TLDC2: variants seen among roughly 807,000 people sequenced by gnomAD.
TLDC2 encodes the protein TLD domain-containing protein 2.
Under a neutral mutation model 27.9 loss-of-function variants are expected in TLDC2, and 23 were observed. That is an observed-to-expected ratio of 0.82 (90% confidence interval 0.59 to 1.17). The LOEUF is 1.17. TLDC2 is among the 50% of genes most tolerant of loss of function. The pLI, the probability that TLDC2 is intolerant of heterozygous loss-of-function variation, is 0.00. For synonymous variants in TLDC2, 124 were observed against 107.4 expected (o/e 1.16, Z -0.96); for missense variants, 286 against 273.4 (o/e 1.05, Z -0.32).
At chr20:36,890,933 G>A (rs1990060341) in intron 6 of TLDC2, 2 of 152,188 alleles carry the variant, frequency 1.3e-5, no homozygotes, top group Admixed American at 1.3e-4. Flanking sequence ...TAGGACTACA[G>A]AATCTCAGAG....
chr20:36,887,613 T>C, intron 5 of TLDC2, 85 bp downstream of exon 5: 1 of 1,317,624 alleles, frequency 7.6e-7, no homozygotes, highest in Non-Finnish European at 1.1e-6. Context: ...TAGGCTGCCC[T>C]TGATGCAATG....
chr20:36,893,069 A>G lies in TLDC2; in HGVS notation c.*225A>G. 1 of 1,612,730 alleles carries G rather than the reference A, an allele frequency of 6.2e-7. No individual in the cohort carries two copies. The highest frequency in any genetic ancestry group is 8.5e-7 in the Non-Finnish European group (1 of 1,180,000). Reference sequence around the variant, plus strand: ...AGTGGGGCTATAACATCGCCATCCTATTAGGAAGAGAGAGAAAAACAGGCA... The same window carrying G: ...AGTGGGGCTATAACATCGCCATCCTGTTAGGAAGAGAGAGAAAAACAGGCA... On this transcript the variant is annotated 3_prime_UTR_variant, in exon 7 of 7. Transcript: ENST00000217320.
chr20:36,887,429 T>G, intron 4 of TLDC2, 26 bp from the exon 5 acceptor site: 4 of 1,603,030 alleles, frequency 2.5e-6, no homozygotes, highest in Non-Finnish European at 3.4e-6. Context: ...CTTAGTAACC[T>G]GAGCCTTTCC....
chr20:36,887,595 T>C, intron 5 of TLDC2, 67 bp downstream of exon 5: 1 of 1,477,098 alleles, frequency 6.8e-7, no homozygotes, highest in Non-Finnish European at 9.5e-7. Context: ...TCTGCCGAAC[T>C]GCTGGGCTAG....
At position 36,877,325 on chromosome 20, in the gene TLDC2, G is replaced by A. The variant is rs1989692613; in HGVS notation, c.34-574G>A. On this transcript the variant is annotated intron_variant, in intron 1 of 6. Transcript: ENST00000217320. ...TAACCTGGGAGCCAGAGGTCGCAGT[G>A]AGCTGACATTGCACCTCTGAACTCC... is the stretch of plus-strand genomic sequence containing the variant. Among the ~76,000 whole-genome samples, 3 of 148,380 alleles carry A rather than the reference G, an allele frequency of 2.0e-5. No individual in the cohort carries two copies. The Admixed American group carries it at 2.1e-4, about 10-fold the overall frequency.
At position 36,880,070 on chromosome 20, in the gene TLDC2, CATATATATATAT is replaced by C. The variant is rs1186641126; in HGVS notation, c.343-565_343-554del. Among the ~76,000 whole-genome samples, 94 of 73,062 alleles carry C rather than the reference CATATATATATAT, an allele frequency of 1.3e-3. 4 individuals are homozygous for C. The highest frequency in any genetic ancestry group is 3.8e-3 in the African/African-American group (81 of 21,296). 47.9% of individuals were successfully genotyped at this position (73,062 alleles called of 152,430 possible). On this transcript the variant is annotated intron_variant, in intron 3 of 6. Coordinates refer to ENST00000217320, the MANE Select transcript of TLDC2 (RefSeq NM_080628.3). ...ATTACTTGTGTAGAATATATATATA[CATATATATATAT>C]ATATATATATATATATATACTTTTT...
At chr20:36,887,610 C>A in intron 5 of TLDC2, 82 bp downstream of exon 5, 1 of 1,350,416 alleles carries the variant, frequency 7.4e-7, no homozygotes, top group Non-Finnish European at 1.1e-6. Flanking sequence ...GGCTAGGCTG[C>A]CCTTGATGCA....
Position 36,893,570 on chromosome 20 carries a change from G to A in TLDC2, c.*726G>A, listed in dbSNP as rs1990133335. ...ATCAGCATAGGCTCCAGCCAAAGAA[G>A]CTCCTCCACCCAAAATAAGGGAGAG... On this transcript the variant is annotated 3_prime_UTR_variant, in exon 7 of 7. Transcript: ENST00000217320. The A allele has an allele frequency of 3.5e-6, 1 of 287,442 alleles. No individual in the cohort carries two copies. Among genetic ancestry groups the A allele is most frequent in the Admixed American group, 4.8e-5 (1 of 20,730 alleles). 17.8% of individuals were successfully genotyped at this position (287,442 alleles called of 1,614,324 possible). A position where few individuals can be genotyped will look rare whatever the true frequency, so the allele number is the denominator to read the frequency against.
intron 2 of TLDC2, 50 bp downstream of exon 2, chr20:36,878,104 C>G (rs763387945): frequency 6.4e-7 from 1 of 1,570,608 alleles, no homozygotes; most frequent in Non-Finnish European, 8.6e-7. Flanking sequence ...ACCTAAGAGT[C>G]TCACCCTCCT....
At chr20:36,880,073 A>ATATATATATGTATATATATATGTGTGTG (rs1568748400) in intron 3 of TLDC2, among the ~76,000 whole-genome samples, 1 of 40,574 alleles carries the variant, frequency 2.5e-5, no homozygotes. Context: ...ATATATACAT[A>ATATATATATGTATATATATATGTGTGTG]TATATATATA....
rs940802469 is a variant in TLDC2 at position 36,876,154 on chromosome 20, C to T, written c.-21C>T. Reference sequence around the variant, plus strand: ...TGAGGATTCACTCACTGCCCACGGCCGGCTGAGCAGGGACAGGAGAATGAG... The same window carrying T: ...TGAGGATTCACTCACTGCCCACGGCTGGCTGAGCAGGGACAGGAGAATGAG... On this transcript the variant is annotated 5_prime_UTR_variant, in exon 1 of 7. Transcript: ENST00000217320. The T allele has an allele frequency of 3.3e-5, 54 of 1,613,988 alleles. No individual in the cohort carries two copies. Among genetic ancestry groups the T allele is most frequent in the Non-Finnish European group, 4.5e-5 (53 of 1,179,992 alleles).
chr20:36,886,323 C>G (rs1481710153), intron 4 of TLDC2, among the ~76,000 whole-genome samples: 10 of 152,084 alleles, frequency 6.6e-5, no homozygotes, highest in Admixed American at 6.6e-4. Context: ...GGGCCGGGCG[C>G]AGTGGCTCGA....
rs199821285 is a variant in TLDC2, at chr20:36,878,000, G to A, written c.135G>A (p.Thr45=). 100 of 1,614,078 alleles carry A rather than the reference G, an allele frequency of 6.2e-5. 1 individual carries two copies. The East Asian group carries it at 1.2e-3, about 20-fold the overall frequency. Residue 45 remains threonine (T), a synonymous_variant, in exon 2 of 7, where the codon ACG becomes ACA. Transcript: ENST00000217320. ...CAGCTGCTGCTCCTGAGGATCCCACGGTGCCCCAGCTGACAGAAGCCAGCC... is the reference window on the plus strand; with the variant it reads ...CAGCTGCTGCTCCTGAGGATCCCACAGTGCCCCAGCTGACAGAAGCCAGCC... ...PDPAAAPEDP[T]VPQLTEASQV...
chr20:36,892,826 T>C, intron 6 of TLDC2, 36 bp from the exon 7 acceptor site: 3 of 1,449,812 alleles, frequency 2.1e-6, no homozygotes, highest in Non-Finnish European at 2.9e-6. Flanking sequence ...ACATTCAAAA[T>C]ACAAAATTAA....
At position 36,893,526 on chromosome 20, in the gene TLDC2, A is replaced by G. The variant is rs1990132364; in HGVS notation, c.*682A>G. The G allele has an allele frequency of 3.7e-6, 1 of 271,360 alleles. No individual in the cohort carries two copies. The highest frequency in any genetic ancestry group is 9.6e-5 in the South Asian group (1 of 10,436). The allele number at this position is 271,360 out of a possible 1,614,324, so 16.8% of individuals were successfully genotyped here. ...AGAATTTAAATTTTTCTCTGCATCA[A>G]AGCTCTAACGTTGGTCCCATCAGCA... On this transcript the variant is annotated 3_prime_UTR_variant, in exon 7 of 7. Coordinates refer to ENST00000217320, the MANE Select transcript of TLDC2 (RefSeq NM_080628.3).
At chr20:36,880,772 G>A in intron 4 of TLDC2, 22 bp downstream of exon 4, 5 of 1,606,924 alleles carry the variant, frequency 3.1e-6, no homozygotes, top group South Asian at 1.1e-5. Flanking sequence ...AACCTTCCAT[G>A]GGGGGAGTGG....
Position 36,879,510 on chromosome 20 carries a change from G to A in TLDC2, c.342+317G>A, listed in dbSNP as rs75953121. ...TCAGACATTAAGCAAATAATCATTT[G>A]ACTGTAAAACTGCATCTTCATCCTC... is the stretch of plus-strand genomic sequence containing the variant. On this transcript the variant is annotated intron_variant, in intron 3 of 6. Transcript: ENST00000217320. Among the ~76,000 whole-genome samples, 4 of 152,180 alleles carry A rather than the reference G, an allele frequency of 2.6e-5. No homozygotes were observed. The East Asian group carries it at 7.7e-4, about 29-fold the overall frequency.
At position 36,893,467 on chromosome 20, in the gene TLDC2, G is replaced by T; in HGVS notation, c.*623G>T. ...ATAAAAGGCCCAGGTCTACAAGATG[G>T]CAAAGAAGGGGAGGAAGAACAGTAT... On this transcript the variant is annotated 3_prime_UTR_variant, in exon 7 of 7. Coordinates refer to ENST00000217320, the MANE Select transcript of TLDC2 (RefSeq NM_080628.3). 3.5e-6 allele frequency: 1 copy of T among 287,024 alleles called. No homozygotes were observed. 17.8% of individuals were successfully genotyped at this position (287,024 alleles called of 1,614,324 possible).
chr20:36,886,594 A>AAG (rs1057419817), intron 4 of TLDC2, among the ~76,000 whole-genome samples: 3 of 152,128 alleles, frequency 2.0e-5, no homozygotes, highest in African/African-American at 7.2e-5. Flanking sequence ...TCTGTCTCAA[A>AAG]AGAGAGAGAA....
Sources: gnomAD v4.1 joint callset for allele counts (sites outside exome capture counted in the v4.1 genomes callset) on GRCh38, gnomAD v4.1.1 for gene constraint, MANE v1.5 for transcripts, NCBI Gene and HGNC (gene_info 2026-07-23, HGNC 2026-07-21) for gene names.